DIS3L2: variants seen among roughly 807,000 people sequenced by gnomAD.
DIS3L2 encodes the protein DIS3 like 3'-5' exoribonuclease 2.
In DIS3L2, 34 loss-of-function variants were observed where a neutral mutation model predicts 97.5. That is an observed-to-expected ratio of 0.35 (90% CI 0.27 to 0.46). DIS3L2 has a LOEUF of 0.46. DIS3L2 is among the 20% of genes least tolerant of loss of function. The probability of loss-of-function intolerance (pLI) is 1.00; values close to 1 mark genes in which losing one functional copy is unlikely to be tolerated. For missense variants in DIS3L2, 1,038 were observed against 1,146.0 expected, an observed-to-expected ratio of 0.91 and a Z score of 1.36; for synonymous variants, 435 against 445.2, an observed-to-expected ratio of 0.98 and a Z score of 0.29.
At chr2:232,298,798 G>C (rs1020984034) in intron 13 of DIS3L2, among the ~76,000 whole-genome samples, 1 of 152,206 alleles carries the variant, frequency 6.6e-6, no homozygotes, top group African/African-American at 2.4e-5. Context: ...GCTTGCATTT[G>C]GAATGTTAAA....
intron 7 of DIS3L2, among the ~76,000 whole-genome samples, chr2:232,132,289 T>C (rs1219542842): frequency 6.6e-6 from 1 of 152,160 alleles, no homozygotes; most frequent in Non-Finnish European, 1.5e-5. Flanking sequence ...CAATTAACAT[T>C]ATATGAATTG....
chr2:232,172,190 A>C (rs1398478594), intron 9 of DIS3L2, among the ~76,000 whole-genome samples: 2 of 152,202 alleles, frequency 1.3e-5, no homozygotes, highest in East Asian at 3.8e-4. Flanking sequence ...ATCATTTTAA[A>C]TTCAGTGGTT....
In DIS3L2 at chr2:232,249,358, C is replaced by A. The variant is rs375630013; in HGVS notation, c.1425+12C>A. On this transcript the variant is annotated intron_variant, in intron 12 of 20. Coordinates refer to ENST00000325385, the MANE Select transcript of DIS3L2 (RefSeq NM_152383.5). ...CTCCAGAGGGCAAGGTAACAACTTA[C>A]ACGTTTTCTTTCTCCACTTACCTCT... 1.5e-5 allele frequency: 25 copies of A among 1,612,990 alleles called. No individual in the cohort carries two copies. In the African/African-American group the frequency reaches 2.4e-4, roughly 15 times the overall value.
chr2:232,338,050 C>T (rs1251831576), downstream of DIS3L2, among the ~76,000 whole-genome samples: 1 of 151,590 alleles, frequency 6.6e-6, no homozygotes, highest in Admixed American at 6.6e-5. Context: ...GACAGACAGG[C>T]GAGCGTCTGG....
At chr2:232,238,839 A>T (rs549539378) in intron 11 of DIS3L2, among the ~76,000 whole-genome samples, 194 bp downstream of exon 11, 4 of 152,314 alleles carry the variant, frequency 2.6e-5, no homozygotes, top group Non-Finnish European at 5.9e-5. Context: ...TCAGAAAGAA[A>T]GGAGGCAAAA....
chr2:232,229,603 T>C (rs1222304852), intron 10 of DIS3L2, among the ~76,000 whole-genome samples: 1 of 152,230 alleles, frequency 6.6e-6, no homozygotes. Context: ...AGGCCATTGC[T>C]CAAGTCATTT....
chr2:232,029,618 A>T (rs2106239195), intron 4 of DIS3L2, among the ~76,000 whole-genome samples: 1 of 152,128 alleles, frequency 6.6e-6, no homozygotes, highest in South Asian at 2.1e-4. Flanking sequence ...AGGTCTCCGT[A>T]AAAACAACCA....
At chr2:232,124,273 A>AG (rs1697992213) in intron 6 of DIS3L2, among the ~76,000 whole-genome samples, 1 of 152,340 alleles carries the variant, frequency 6.6e-6, no homozygotes, top group East Asian at 1.9e-4. Context: ...CTAAAAAAAA[A>AG]GTCTGTTTCC....
rs756250248 is a variant in DIS3L2 at position 232,293,426 on chromosome 2, C to G, written c.1660-6614C>G. ...GGGGGAAATACCTCTGGCATTCCAGCGAAGGGGAAAACAAAAGATCAGGGC... is the reference window on the plus strand; with the variant it reads ...GGGGGAAATACCTCTGGCATTCCAGGGAAGGGGAAAACAAAAGATCAGGGC... On this transcript the variant is annotated intron_variant, in intron 13 of 20. Transcript: ENST00000325385. The surrounding 1 kb of genome is among the most constrained non-coding windows in gnomAD (Gnocchi z 4.6). Among the ~76,000 whole-genome samples, 8 of 152,108 alleles carry G rather than the reference C, an allele frequency of 5.3e-5. No individual in the cohort carries two copies. The highest frequency in any genetic ancestry group is 1.9e-4 in the African/African-American group (8 of 41,420).
At chr2:232,336,330 C>T (rs757543110) in intron 20 of DIS3L2, 139 bp from the exon 21 acceptor site, 21 of 1,546,982 alleles carry the variant, frequency 1.4e-5, no homozygotes, top group Non-Finnish European at 1.7e-5. Flanking sequence ...CTGGAGGGGG[C>T]CCCCATTACA....
At chr2:232,337,239 G>C, downstream of DIS3L2, 2 of 924,734 alleles carry the variant, frequency 2.2e-6, no homozygotes, top group South Asian at 1.0e-4. Context: ...TGTGTCTGAC[G>C]AATGTGACTG....
intron 1 of DIS3L2, among the ~76,000 whole-genome samples, chr2:231,967,509 A>G (rs1295789966): frequency 6.6e-6 from 1 of 152,208 alleles, no homozygotes; most frequent in Non-Finnish European, 1.5e-5. Context: ...AATCACTTTT[A>G]AAAGGTTGAA....
At chr2:232,022,482 T>C (rs1694545971) in intron 3 of DIS3L2, among the ~76,000 whole-genome samples, 2 of 152,066 alleles carry the variant, frequency 1.3e-5, no homozygotes, top group Admixed American at 6.6e-5. Context: ...GCCCTGCAAT[T>C]AAAGGCATTT....
chr2:232,218,140 C>A (rs749568411), intron 10 of DIS3L2, among the ~76,000 whole-genome samples: 2 of 152,080 alleles, frequency 1.3e-5, no homozygotes, highest in African/African-American at 2.4e-5. Context: ...GAAAGGAGGG[C>A]AGGAGAAAGT....
chr2:232,318,280 C>T (rs571728112), intron 14 of DIS3L2, among the ~76,000 whole-genome samples: 1 of 152,340 alleles, frequency 6.6e-6, no homozygotes, highest in Non-Finnish European at 1.5e-5. Context: ...ACTTAGAAAA[C>T]GACCCCTAGG....
In DIS3L2 at chr2:232,070,134, T is replaced by C. The variant is rs187798947; in HGVS notation, c.367-17353T>C. Among the ~76,000 whole-genome samples the C allele has an allele frequency of 5.0e-3, 763 of 152,334 alleles. 2 individuals carry two copies. The highest frequency in any genetic ancestry group is 0.013 in the Admixed American group (193 of 15,312). ...ACTAAATTTCAATAATTATTCCTCC[T>C]GTGAACTCTGTTCAAGTAGAAATCC... On this transcript the variant is annotated intron_variant, in intron 5 of 20. Transcript: ENST00000325385.
chr2:232,245,787 C>A (rs950259117), intron 11 of DIS3L2, among the ~76,000 whole-genome samples: 3 of 152,162 alleles, frequency 2.0e-5, no homozygotes, highest in African/African-American at 7.2e-5. Context: ...GTTTTTATAG[C>A]CTGCACAACC....
At chr2:232,210,610 G>A (rs1464363214) in intron 10 of DIS3L2, among the ~76,000 whole-genome samples, 1 of 152,224 alleles carries the variant, frequency 6.6e-6, no homozygotes, top group South Asian at 2.1e-4. Flanking sequence ...GGGTGAGAAT[G>A]AGAAATGTCC....
intron 9 of DIS3L2, among the ~76,000 whole-genome samples, chr2:232,200,871 C>T (rs1370845502): frequency 6.6e-6 from 1 of 151,196 alleles, no homozygotes; most frequent in African/African-American, 2.4e-5. Context: ...GCAAACTCCG[C>T]CTCCTGGGTT....
Sources: gnomAD v4.1 joint callset for allele counts (sites outside exome capture counted in the v4.1 genomes callset) on GRCh38, gnomAD v4.1.1 for gene constraint, Gnocchi (gnomAD v3.1) non-coding constraint, MANE v1.5 for transcripts, NCBI Gene and HGNC (gene_info 2026-07-23, HGNC 2026-07-21) for gene names.